STAM: variants seen among roughly 807,000 people sequenced by gnomAD.
STAM encodes signal transducing adaptor molecule.
STAM carries 16 observed loss-of-function variants against 63.4 expected under a neutral mutation model. The observed-to-expected ratio is 0.25, with a 90% CI of 0.17 to 0.38. The LOEUF is 0.38. Ranked by LOEUF, STAM falls within the 10% of genes least tolerant of loss-of-function variation. The probability of loss-of-function intolerance (pLI) is 1.00; values close to 1 mark genes in which losing one functional copy is unlikely to be tolerated. For synonymous variants in STAM, 238 were observed against 223.9 expected (o/e 1.06, Z -0.56); for missense variants, 636 against 657.1 (o/e 0.97, Z 0.35).
chr10:17,695,991 TC>T (rs1181068360), intron 7 of STAM: 2 of 152,130 alleles, frequency 1.3e-5, no homozygotes, highest in Non-Finnish European at 2.9e-5. Context: ...TGCTGTGTCC[TC>T]CCATGGCAGC....
chr10:17,666,291 A>T (rs1278382306), intron 2 of STAM, among the ~76,000 whole-genome samples: 1 of 152,166 alleles, frequency 6.6e-6, no homozygotes, highest in East Asian at 1.9e-4. Flanking sequence ...ACAGAATGAG[A>T]AAGATCATAT....
chr10:17,688,602 A>G (rs1835398130), intron 5 of STAM, among the ~76,000 whole-genome samples: 2 of 151,470 alleles, frequency 1.3e-5, no homozygotes, highest in African/African-American at 2.4e-5. Flanking sequence ...AGCTGGGACT[A>G]CATGCACGTG....
At chr10:17,713,581 T>C (rs1233394998) in intron 13 of STAM, among the ~76,000 whole-genome samples, 1 of 152,116 alleles carries the variant, frequency 6.6e-6, no homozygotes, top group African/African-American at 2.4e-5. Context: ...CTACCAGTTA[T>C]TTCTACCAGT....
chr10:17,691,539 T>C (rs113489494), intron 5 of STAM, among the ~76,000 whole-genome samples: 1 of 152,128 alleles, frequency 6.6e-6, no homozygotes, highest in Non-Finnish European at 1.5e-5. Flanking sequence ...AATAAATGCC[T>C]GTGCATTTGT....
At chr10:17,667,265 T>G (rs999644921) in intron 2 of STAM, among the ~76,000 whole-genome samples, 9 of 152,120 alleles carry the variant, frequency 5.9e-5, no homozygotes, top group Non-Finnish European at 1.3e-4. Flanking sequence ...TAGCTGGGAT[T>G]ACAGGTGAAC....
intron 1 of STAM, among the ~76,000 whole-genome samples, chr10:17,650,659 C>T (rs573375484): frequency 3.1e-4 from 47 of 152,212 alleles, no homozygotes; most frequent in Non-Finnish European, 5.3e-4. Flanking sequence ...CAGATTAGTA[C>T]AGTAGCTTCC....
At chr10:17,655,538 T>G (rs1042415902) in intron 1 of STAM, among the ~76,000 whole-genome samples, 3 of 152,238 alleles carry the variant, frequency 2.0e-5, no homozygotes, top group African/African-American at 7.2e-5. Context: ...GCAGGTATTA[T>G]ACACCTGTAA....
chr10:17,662,256 G>A lies in STAM; in HGVS notation c.125+1708G>A, dbSNP rs115404437. The stretch of plus-strand genomic sequence containing the variant: ...AACATTCATTTCAGCTCAACTATCT[G>A]AGTTCCAGTGCTTTTTTTCTACCTT... On this transcript the variant is annotated intron_variant, in intron 2 of 13. Coordinates refer to ENST00000377524, the MANE Select transcript of STAM (RefSeq NM_003473.4). Among the ~76,000 whole-genome samples, 1,318 of 151,946 alleles carry A rather than the reference G, an allele frequency of 8.7e-3. 21 individuals are homozygous for A. Among genetic ancestry groups the A allele is most frequent in the African/African-American group, 0.03 (1,239 of 41,430 alleles).
At chr10:17,690,847 C>G (rs977095235) in intron 5 of STAM, among the ~76,000 whole-genome samples, 1 of 152,110 alleles carries the variant, frequency 6.6e-6, no homozygotes, top group Non-Finnish European at 1.5e-5. Flanking sequence ...GCACCGCTAC[C>G]GTAGTTGGCT....
intron 13 of STAM, among the ~76,000 whole-genome samples, 195 bp downstream of exon 13, chr10:17,709,146 A>C (rs1432458172): frequency 6.6e-6 from 1 of 152,022 alleles, no homozygotes; most frequent in African/African-American, 2.4e-5. Flanking sequence ...TCTGCTCCCG[A>C]CTCGCTCAAC....
chr10:17,645,960 A>G (rs148479326), intron 1 of STAM, among the ~76,000 whole-genome samples: 89 of 152,304 alleles, frequency 5.8e-4, no homozygotes, highest in African/African-American at 1.8e-3. Context: ...TTTATATTCT[A>G]CTGACTTTGT....
At position 17,684,058 on chromosome 10, in the gene STAM, C is replaced by T. The variant is rs141857536; in HGVS notation, c.126-617C>T. ...ATTTTCAATAGATGCTTCACTGTGG[C>T]CTCATCTCTGACGACTGTGTGAGCG... On this transcript the variant is annotated intron_variant, in intron 2 of 13. Coordinates refer to ENST00000377524, the MANE Select transcript of STAM (RefSeq NM_003473.4). Among the ~76,000 whole-genome samples the T allele has an allele frequency of 1.4e-3, 208 of 152,238 alleles. 1 individual carries two copies. The highest frequency in any genetic ancestry group is 2.0e-3 in the Non-Finnish European group (139 of 68,014).
At chr10:17,646,212 G>T (rs968042355) in intron 1 of STAM, among the ~76,000 whole-genome samples, 2 of 152,244 alleles carry the variant, frequency 1.3e-5, no homozygotes, top group African/African-American at 4.8e-5. Context: ...CGTTATTGAC[G>T]GTTTGGGCCA....
chr10:17,696,303 G>A lies in STAM; in HGVS notation c.729-472G>A, dbSNP rs146104659. ...TATACTAGAGTTTACACCTAGGAGTGTACTCTTTGCGAATGTTTTGCACTG... is the reference window on the plus strand; with the variant it reads ...TATACTAGAGTTTACACCTAGGAGTATACTCTTTGCGAATGTTTTGCACTG... On this transcript the variant is annotated intron_variant, in intron 7 of 13. Coordinates refer to ENST00000377524, the MANE Select transcript of STAM (RefSeq NM_003473.4). Among the ~76,000 whole-genome samples, 811 of 151,862 alleles carry A rather than the reference G, an allele frequency of 5.3e-3. 5 individuals carry two copies. Among genetic ancestry groups the A allele is most frequent in the African/African-American group, 0.019 (769 of 41,364 alleles).
chr10:17,662,536 C>A (rs1338935690), intron 2 of STAM, among the ~76,000 whole-genome samples: 1 of 152,084 alleles, frequency 6.6e-6, no homozygotes, highest in African/African-American at 2.4e-5. Context: ...TAGATATAAA[C>A]CTAGTAGATT....
At chr10:17,700,091 G>T (rs192722490) in intron 8 of STAM, 100 bp from the exon 9 acceptor site, 25 of 922,522 alleles carry the variant, frequency 2.7e-5, no homozygotes, top group Non-Finnish European at 3.8e-5. Flanking sequence ...CTTGCTGGGA[G>T]TATAAGAAAA....
At chr10:17,708,345 C>G (rs1440870365) in intron 12 of STAM, among the ~76,000 whole-genome samples, 1 of 152,176 alleles carries the variant, frequency 6.6e-6, no homozygotes, top group African/African-American at 2.4e-5. Context: ...AGTTAGCTTG[C>G]TCTATTGTTC....
At chr10:17,691,871 T>C (rs1180501743) in intron 5 of STAM, among the ~76,000 whole-genome samples, 1 of 152,224 alleles carries the variant, frequency 6.6e-6, no homozygotes, top group African/African-American at 2.4e-5. Context: ...CTTTTCATGA[T>C]CTACTTTGAG....
At chr10:17,697,294 C>G (rs1835803426) in intron 8 of STAM, among the ~76,000 whole-genome samples, 1 of 152,160 alleles carries the variant, frequency 6.6e-6, no homozygotes, top group Non-Finnish European at 1.5e-5. Context: ...ATTAAGAAGT[C>G]TTACAGAATT....
Sources: allele counts gnomAD v4.1 joint callset (sites outside exome capture counted in the v4.1 genomes callset), GRCh38; gene constraint gnomAD v4.1.1; transcripts MANE v1.5; gene names NCBI Gene and HGNC (gene_info 2026-07-23, HGNC 2026-07-21).